The following KCNH5 variants were observed in gnomAD, a reference collection of about 807,000 sequenced individuals.
KCNH5 encodes voltage-gated delayed rectifier potassium channel KCNH5.
KCNH5 carries 46 observed loss-of-function variants against 96.1 expected under a neutral mutation model. That is an observed-to-expected ratio of 0.48 (90% CI 0.38 to 0.61). The LOEUF is 0.61. KCNH5 is among the 20% of genes least tolerant of loss of function. The pLI is 0.00. For synonymous variants in KCNH5, 439 were observed against 449.8 expected (o/e 0.98, Z 0.30); for missense variants, 907 against 1,225.8 (o/e 0.74, Z 3.88).
chr14:62,851,709 G>C (rs1167407296), intron 7 of KCNH5, among the ~76,000 whole-genome samples: 1 of 151,976 alleles, frequency 6.6e-6, no homozygotes, highest in Non-Finnish European at 1.5e-5. Flanking sequence ...ATGAAATAAT[G>C]CTGCAATTAC....
chr14:62,960,773 C>T (rs893683921), intron 6 of KCNH5, among the ~76,000 whole-genome samples: 11 of 152,118 alleles, frequency 7.2e-5, no homozygotes, highest in Non-Finnish European at 1.2e-4. Flanking sequence ...CCAACTCAAG[C>T]TACCAAGAGC....
chr14:62,798,187 A>G (rs970430174), intron 9 of KCNH5, among the ~76,000 whole-genome samples: 3 of 152,212 alleles, frequency 2.0e-5, no homozygotes, highest in Non-Finnish European at 4.4e-5. Flanking sequence ...ACATAAACAA[A>G]CATAGCTCTC....
intron 8 of KCNH5, among the ~76,000 whole-genome samples, chr14:62,835,944 A>C (rs1887458172): frequency 6.6e-6 from 1 of 152,078 alleles, no homozygotes. Flanking sequence ...TTTTTTTAAA[A>C]AGATAAATTT....
chr14:62,981,807 G>C (rs1029429060), intron 5 of KCNH5, among the ~76,000 whole-genome samples: 1 of 152,156 alleles, frequency 6.6e-6, no homozygotes, highest in Non-Finnish European at 1.5e-5. Flanking sequence ...TCCTCCCTTA[G>C]ATCTGGACTT....
chr14:62,732,505 A>T (rs531923961), intron 10 of KCNH5, among the ~76,000 whole-genome samples: 2 of 151,786 alleles, frequency 1.3e-5, no homozygotes, highest in Non-Finnish European at 2.9e-5. Flanking sequence ...AAAAACTCAC[A>T]AAAGTCAAAA....
chr14:62,731,098 C>T (rs12878792), intron 10 of KCNH5, among the ~76,000 whole-genome samples: 357 of 152,010 alleles, frequency 2.3e-3, no homozygotes, highest in Non-Finnish European at 3.7e-3. Context: ...GTCAGGAGTT[C>T]AAGACCAGCC....
At chr14:62,742,754 G>A (rs529411504) in intron 10 of KCNH5, among the ~76,000 whole-genome samples, 50 of 152,210 alleles carry the variant, frequency 3.3e-4, no homozygotes, top group African/African-American at 1.1e-3. Flanking sequence ...ATGCCATGGC[G>A]CCATTAATTT....
chr14:62,955,435 AT>A (rs1465279542), intron 6 of KCNH5, among the ~76,000 whole-genome samples: 1 of 152,228 alleles, frequency 6.6e-6, no homozygotes, highest in Non-Finnish European at 1.5e-5. Context: ...TATTAATTAA[AT>A]TAAAATTCAG....
chr14:62,902,199 A>T (rs1888940921), intron 7 of KCNH5, among the ~76,000 whole-genome samples: 1 of 146,978 alleles, frequency 6.8e-6, no homozygotes, highest in South Asian at 2.3e-4. Flanking sequence ...TTTGCTATGC[A>T]TAACCTGTTT....
chr14:62,932,302 G>C (rs1889594792), intron 7 of KCNH5, among the ~76,000 whole-genome samples: 1 of 151,978 alleles, frequency 6.6e-6, no homozygotes, highest in Non-Finnish European at 1.5e-5. Flanking sequence ...CACTCATGAA[G>C]TGAAAACACA....
intron 2 of KCNH5, among the ~76,000 whole-genome samples, chr14:63,016,525 G>A (rs1382947357): frequency 6.6e-6 from 1 of 152,036 alleles, no homozygotes; most frequent in Non-Finnish European, 1.5e-5. Flanking sequence ...GTTGTTCCCT[G>A]ATACAAGACG....
chr14:63,042,062 G>A (rs1213135195), intron 1 of KCNH5, among the ~76,000 whole-genome samples: 3 of 151,962 alleles, frequency 2.0e-5, no homozygotes, highest in Non-Finnish European at 4.4e-5. Flanking sequence ...TGATACCCAT[G>A]GACAAATAAA....
At position 62,732,319 on chromosome 14, in the gene KCNH5, CCTT is replaced by C. The variant is rs577750705; in HGVS notation, c.2020-23867_2020-23865del. ...CCCTTGGAGGAAATAAAATTTTCTTCCTTCTGTTTAAAGCCAATCATTTTACTG... is the reference window on the plus strand; with the variant it reads ...CCCTTGGAGGAAATAAAATTTTCTTCCTGTTTAAAGCCAATCATTTTACTG... On this transcript the variant is annotated intron_variant, in intron 10 of 10. Coordinates refer to ENST00000322893, the MANE Select transcript of KCNH5 (RefSeq NM_139318.5). Among the ~76,000 whole-genome samples the C allele has an allele frequency of 8.1e-4, 124 of 152,232 alleles. 1 individual carries two copies. Among genetic ancestry groups the C allele is most frequent in the Non-Finnish European group, 1.5e-3 (99 of 68,018 alleles).
At chr14:62,925,406 A>C (rs556904330) in intron 7 of KCNH5, among the ~76,000 whole-genome samples, 1 of 152,086 alleles carries the variant, frequency 6.6e-6, no homozygotes, top group African/African-American at 2.4e-5. Flanking sequence ...TCTTCATCTA[A>C]ATGTTTCCTT....
intron 6 of KCNH5, among the ~76,000 whole-genome samples, chr14:62,969,881 G>A (rs892632556): frequency 3.4e-5 from 5 of 149,112 alleles, no homozygotes; most frequent in Non-Finnish European, 5.9e-5. Flanking sequence ...GGGCAACGCG[G>A]TGAAACCCTG....
At chr14:62,822,207 C>A (rs1887129514) in intron 8 of KCNH5, among the ~76,000 whole-genome samples, 1 of 152,066 alleles carries the variant, frequency 6.6e-6, no homozygotes, top group South Asian at 2.1e-4. Flanking sequence ...CCTAAATTAA[C>A]CTTTACATTT....
At chr14:62,894,978 C>T (rs1429427692) in intron 7 of KCNH5, among the ~76,000 whole-genome samples, 1 of 152,218 alleles carries the variant, frequency 6.6e-6, no homozygotes, top group East Asian at 1.9e-4. Flanking sequence ...AGAAACAGAG[C>T]CAAAGACCTT....
chr14:62,863,962 T>C (rs17823627), intron 7 of KCNH5, among the ~76,000 whole-genome samples: 21,528 of 152,170 alleles, frequency 0.14, 1,760 homozygotes, highest in East Asian at 0.28. Flanking sequence ...ATGGCCTCCT[T>C]TCTATTTACA....
chr14:62,775,798 G>C (rs1224248153), intron 10 of KCNH5, among the ~76,000 whole-genome samples: 1 of 152,214 alleles, frequency 6.6e-6, no homozygotes, highest in Non-Finnish European at 1.5e-5. Context: ...CCCCTGGGCA[G>C]TCACCTGATT....
Sources: gnomAD v4.1 joint callset for allele counts (sites outside exome capture counted in the v4.1 genomes callset) on GRCh38, gnomAD v4.1.1 for gene constraint, MANE v1.5 for transcripts, NCBI Gene and HGNC (gene_info 2026-07-23, HGNC 2026-07-21) for gene names.